The following MALT1 variants were observed in gnomAD, a reference collection of about 807,000 sequenced individuals.
The protein encoded by MALT1 is MALT1 paracaspase.
In MALT1, 36 loss-of-function variants were observed where a neutral mutation model predicts 85.5. That is an observed-to-expected ratio of 0.42 (90% confidence interval 0.32 to 0.56). MALT1 has a LOEUF of 0.56. Among genes scored for constraint, MALT1 ranks in the 20% least tolerant of loss-of-function variants. The pLI, the probability that MALT1 is intolerant of heterozygous loss-of-function variation, is 0.10. For synonymous variants in MALT1, 359 were observed against 361.3 expected (o/e 0.99, Z 0.07); for missense variants, 716 against 981.6 (o/e 0.73, Z 3.62).
At chr18:58,672,665 CAG>C (rs2054182121) in intron 1 of MALT1, 2 of 152,154 alleles carry the variant, frequency 1.3e-5, no homozygotes, top group Admixed American at 1.3e-4. Context: ...TATATGGTAA[CAG>C]AAATAATACT....
rs2055481411 is a variant in MALT1 at position 58,754,103 on chromosome 18, CTGAT to C, written c.*6264_*6267del. ...AACAGCCTTGCAGTTTATAGATGAA[CTGAT>C]TGTTAGGCTAACCAGAGGTGTTACT... On this transcript the variant is annotated 3_prime_UTR_variant, in exon 17 of 17. Transcript: ENST00000649217. 1 of 152,176 alleles carries C rather than the reference CTGAT, an allele frequency of 6.6e-6. No homozygotes were observed. The highest frequency in any genetic ancestry group is 2.4e-5 in the African/African-American group (1 of 41,422). The allele number at this position is 152,176 out of a possible 1,614,324, so 9.4% of individuals were successfully genotyped here.
At chr18:58,707,738 C>T (rs1285589950) in intron 4 of MALT1, among the ~76,000 whole-genome samples, 1 of 152,148 alleles carries the variant, frequency 6.6e-6, no homozygotes, top group Non-Finnish European at 1.5e-5. Flanking sequence ...TTTTTATGCT[C>T]AGGAACTAGA....
At chr18:58,710,219 T>G (rs2054813792) in intron 6 of MALT1, 147 bp downstream of exon 6, 2 of 423,140 alleles carry the variant, frequency 4.7e-6, no homozygotes, top group Non-Finnish European at 8.3e-6. Context: ...TTGTTTATAT[T>G]GAAATTTGAA....
chr18:58,740,481 A>G (rs1366675138), intron 13 of MALT1, among the ~76,000 whole-genome samples: 1 of 151,196 alleles, frequency 6.6e-6, no homozygotes, highest in Non-Finnish European at 1.5e-5. Flanking sequence ...CACATCCTAT[A>G]AGTTTAGGGA....
At chr18:58,686,726 ATGTTTTGGC>A (rs2054410173) in intron 2 of MALT1, among the ~76,000 whole-genome samples, 1 of 151,948 alleles carries the variant, frequency 6.6e-6, no homozygotes, top group African/African-American at 2.4e-5. Flanking sequence ...ACGCATTGTT[ATGTTTTGGC>A]TATTTTTATT....
rs192363630 is a variant in MALT1, at chr18:58,680,506, G to C, written c.210-664G>C. ...CTGATTGTTCTATCCGCTTCATTTG[G>C]GGTCATTTTGTATTTCATCATCTTT... On this transcript the variant is annotated intron_variant, in intron 1 of 16. Transcript: ENST00000649217. Among the ~76,000 whole-genome samples the C allele has an allele frequency of 1.3e-4, 19 of 151,936 alleles. 1 individual carries two copies. The East Asian group carries it at 3.7e-3, about 29-fold the overall frequency.
At chr18:58,730,454 GTTCA>G (rs1487966674) in intron 10 of MALT1, among the ~76,000 whole-genome samples, 1 of 152,160 alleles carries the variant, frequency 6.6e-6, no homozygotes. Context: ...TGTTTTCAAA[GTTCA>G]TTCATATTGT....
chr18:58,676,640 TG>T (rs2054244599), intron 1 of MALT1, among the ~76,000 whole-genome samples: 1 of 151,822 alleles, frequency 6.6e-6, no homozygotes, highest in South Asian at 2.1e-4. Flanking sequence ...CAGTGTTACC[TG>T]TCTACTTGCG....
chr18:58,681,097 C>T (rs1402088313), intron 1 of MALT1, 73 bp from the exon 2 acceptor site: 6 of 1,387,500 alleles, frequency 4.3e-6, no homozygotes, highest in Non-Finnish European at 5.0e-6. Flanking sequence ...ACAGCACCAC[C>T]GTGGTCCAGA....
intron 2 of MALT1, among the ~76,000 whole-genome samples, chr18:58,695,056 C>A (rs909630429): frequency 2.0e-5 from 3 of 152,146 alleles, no homozygotes; most frequent in African/African-American, 7.2e-5. Flanking sequence ...CTTATGAGAT[C>A]TGATGGTTTT....
intron 12 of MALT1, 76 bp downstream of exon 12, chr18:58,734,457 G>A: frequency 8.8e-7 from 1 of 1,134,740 alleles, no homozygotes; most frequent in Non-Finnish European, 1.3e-6. Context: ...TTAGGAGCAG[G>A]GGTCTTAACT....
chr18:58,718,815 G>A (rs1448241625), intron 9 of MALT1, among the ~76,000 whole-genome samples: 2 of 152,186 alleles, frequency 1.3e-5, no homozygotes, highest in Non-Finnish European at 2.9e-5. Context: ...ATTAGTCGAG[G>A]AGAGTTAGAG....
intron 10 of MALT1, among the ~76,000 whole-genome samples, chr18:58,732,147 A>G (rs9952213): frequency 0.12 from 18,038 of 152,098 alleles, 1,639 homozygotes; most frequent in African/African-American, 0.26. Context: ...GGCTTTTACT[A>G]TTTGCTTTAA....
Position 58,709,358 on chromosome 18 carries a change from ATT to A in MALT1, c.650-15_650-14del, listed in dbSNP as rs1009578705. On this transcript the variant is annotated intron_variant, in intron 4 of 16. Transcript: ENST00000649217. Reference sequence around the variant, plus strand: ...TTTTTATTTTTAACCTAGAGATTTTATTTTTTCTTTTAATTTAAGGAAGTGTT... The same window carrying A: ...TTTTTATTTTTAACCTAGAGATTTTATTTTCTTTTAATTTAAGGAAGTGTT... 2 of 1,508,784 alleles carry A rather than the reference ATT, an allele frequency of 1.3e-6. No individual in the cohort carries two copies. Among genetic ancestry groups the A allele is most frequent in the Non-Finnish European group, 1.8e-6 (2 of 1,121,124 alleles). The allele number at this position is 1,508,784 out of a possible 1,614,324, so 93.5% of individuals were successfully genotyped here. A position where few individuals can be genotyped will look rare whatever the true frequency, so the allele number is the denominator to read the frequency against.
At chr18:58,739,709 A>AGCCT (rs1457139540) in intron 13 of MALT1, among the ~76,000 whole-genome samples, 3 of 152,114 alleles carry the variant, frequency 2.0e-5, no homozygotes, top group Non-Finnish European at 4.4e-5. Context: ...CTGCATCCCC[A>AGCCT]GCCTGCCTGC....
intron 13 of MALT1, among the ~76,000 whole-genome samples, chr18:58,735,675 G>A (rs2055212866): frequency 6.6e-6 from 1 of 152,002 alleles, no homozygotes. Context: ...TTTGAGGGTG[G>A]GTGGGTGGCA....
rs191226959 is a variant in MALT1 at position 58,710,567 on chromosome 18, G to T, written c.926-354G>T. ...AGCTAGGCATGGTGGCATGCACTTGGTCCCAGCTACTTGGGAGGCTAAGGT... is the reference window on the plus strand; with the variant it reads ...AGCTAGGCATGGTGGCATGCACTTGTTCCCAGCTACTTGGGAGGCTAAGGT... On this transcript the variant is annotated intron_variant, in intron 6 of 16. Transcript: ENST00000649217. Among the ~76,000 whole-genome samples the T allele has an allele frequency of 2.0e-5, 3 of 152,204 alleles. No homozygotes were observed. The East Asian group carries it at 5.8e-4, about 29-fold the overall frequency.
intron 10 of MALT1, among the ~76,000 whole-genome samples, chr18:58,729,495 AAAAAAAAAAAG>A (rs1365180508): frequency 6.9e-6 from 1 of 145,756 alleles, no homozygotes; most frequent in East Asian, 2.1e-4. Context: ...GTCTCAAAAA[AAAAAAAAAAAG>A]AAAAAAAAAA....
chr18:58,731,381 G>A (rs1008622570), intron 10 of MALT1, among the ~76,000 whole-genome samples: 3 of 152,068 alleles, frequency 2.0e-5, no homozygotes, highest in African/African-American at 4.8e-5. Context: ...CCTGATCTTC[G>A]TGGTTTATTG....
Sources: gnomAD v4.1 joint callset for allele counts (sites outside exome capture counted in the v4.1 genomes callset) on GRCh38, gnomAD v4.1.1 for gene constraint, MANE v1.5 for transcripts, NCBI Gene and HGNC (gene_info 2026-07-23, HGNC 2026-07-21) for gene names.